IQGAP1: variants seen among roughly 807,000 people sequenced by gnomAD.
IQGAP1 encodes IQ motif containing GTPase activating protein 1.
IQGAP1 carries 66 observed loss-of-function variants against 215.6 expected under a neutral mutation model. The ratio of observed to expected loss-of-function variants is 0.31; its 90% CI spans 0.25 to 0.38. The LOEUF (loss-of-function observed/expected upper bound fraction) is 0.38, where lower values mean the gene tolerates loss of function less well. Ranked by LOEUF, IQGAP1 falls within the 10% of genes least tolerant of loss-of-function variation. IQGAP1 has a pLI of 1.00. For missense variants in IQGAP1, 1,712 were observed against 1,997.1 expected, an observed-to-expected ratio of 0.86 and a Z score of 2.72; for synonymous variants, 772 against 728.7, an observed-to-expected ratio of 1.06 and a Z score of -0.96.
At chr15:90,492,765 G>A in intron 35 of IQGAP1, 54 bp downstream of exon 35, 3 of 1,467,432 alleles carry the variant, frequency 2.0e-6, no homozygotes, top group South Asian at 2.5e-5. Context: ...TGAGGAAAAA[G>A]CAGAGGCAAC....
chr15:90,436,105 C>G (rs1220621969), intron 5 of IQGAP1, among the ~76,000 whole-genome samples: 1 of 146,772 alleles, frequency 6.8e-6, no homozygotes, highest in East Asian at 2.0e-4. Context: ...TGGCATTATT[C>G]CAGAGATAGT....
In IQGAP1 at chr15:90,390,247, A is replaced by C. The variant is rs530787334; in HGVS notation, c.56-527A>C. 5.3e-5 allele frequency among the ~76,000 whole-genome samples: 8 copies of C among 152,360 alleles called. No homozygotes were observed. The South Asian group carries it at 1.4e-3, about 28-fold the overall frequency. ...CTCAGGCTTTGGAGACAGACTCTCCAGGTTTGGATTCAGGCCCTGTCACTT... is the reference window on the plus strand; with the variant it reads ...CTCAGGCTTTGGAGACAGACTCTCCCGGTTTGGATTCAGGCCCTGTCACTT... On this transcript the variant is annotated intron_variant, in intron 1 of 37. Coordinates refer to ENST00000268182, the MANE Select transcript of IQGAP1 (RefSeq NM_003870.4).
At chr15:90,431,804 A>G (rs1350374873) in intron 4 of IQGAP1, among the ~76,000 whole-genome samples, 10 of 152,170 alleles carry the variant, frequency 6.6e-5, no homozygotes, top group Non-Finnish European at 1.5e-4. Context: ...GTTTATTGGG[A>G]TGTCTTTTCT....
chr15:90,388,472 C>G, intron 1 of IQGAP1, 76 bp downstream of exon 1: 87 of 388,158 alleles, frequency 2.2e-4, no homozygotes, highest in Middle Eastern at 9.3e-4. Context: ...CCTGGGGGCT[C>G]GGCCGGGCGG....
chr15:90,449,717 G>C, intron 11 of IQGAP1, 74 bp downstream of exon 11: 1 of 1,217,232 alleles, frequency 8.2e-7, no homozygotes, highest in Non-Finnish European at 1.2e-6. Flanking sequence ...GTTAGCTTCT[G>C]TCATCGTCAT....
intron 17 of IQGAP1, among the ~76,000 whole-genome samples, chr15:90,467,116 T>G (rs1339832460): frequency 6.6e-6 from 1 of 151,932 alleles, no homozygotes; most frequent in Admixed American, 6.6e-5. Flanking sequence ...AATAATAAAT[T>G]GAAAAACTGG....
chr15:90,392,917 G>C (rs1361253324), intron 2 of IQGAP1, among the ~76,000 whole-genome samples: 2 of 151,858 alleles, frequency 1.3e-5, no homozygotes, highest in East Asian at 3.9e-4. Context: ...GCTAATTTTT[G>C]TATCTTTAGT....
intron 4 of IQGAP1, among the ~76,000 whole-genome samples, chr15:90,432,449 G>T (rs1469651854): frequency 1.3e-5 from 2 of 151,994 alleles, no homozygotes; most frequent in East Asian, 3.8e-4. Context: ...TCTCCCCAGG[G>T]CTCTATTTTT....
At chr15:90,388,565 G>C (rs971256210) in intron 1 of IQGAP1, among the ~76,000 whole-genome samples, 169 bp downstream of exon 1, 3 of 152,050 alleles carry the variant, frequency 2.0e-5, no homozygotes, top group African/African-American at 4.8e-5. Flanking sequence ...GAGGCCCCTG[G>C]TTCGCGCCCC....
chr15:90,446,282 G>A (rs1046780077), intron 9 of IQGAP1, among the ~76,000 whole-genome samples: 14 of 152,054 alleles, frequency 9.2e-5, no homozygotes, highest in Non-Finnish European at 2.1e-4. Context: ...CACATGTAAG[G>A]AAATAATAAT....
intron 2 of IQGAP1, among the ~76,000 whole-genome samples, chr15:90,414,455 C>G (rs749241071): frequency 2.0e-5 from 3 of 152,138 alleles, no homozygotes; most frequent in Non-Finnish European, 4.4e-5. Flanking sequence ...TAAGACTCCC[C>G]TTACAGGAGC....
intron 2 of IQGAP1, among the ~76,000 whole-genome samples, chr15:90,407,019 G>T (rs1027423950): frequency 3.3e-5 from 5 of 152,178 alleles, no homozygotes; most frequent in Admixed American, 6.6e-5. Context: ...AGTTCTGGAG[G>T]CCATACTTTA....
chr15:90,475,196 G>T (rs553597115), intron 23 of IQGAP1, among the ~76,000 whole-genome samples: 1 of 151,924 alleles, frequency 6.6e-6, no homozygotes, highest in Non-Finnish European at 1.5e-5. Flanking sequence ...ATGGCGTTTC[G>T]CCATGTTGAC....
At chr15:90,442,916 G>A (rs1403435371) in intron 8 of IQGAP1, among the ~76,000 whole-genome samples, 1 of 150,372 alleles carries the variant, frequency 6.7e-6, no homozygotes, top group Non-Finnish European at 1.5e-5. Flanking sequence ...AGTTTTTAAT[G>A]AGCCAAGATG....
At chr15:90,460,335 A>G (rs897691457) in intron 15 of IQGAP1, among the ~76,000 whole-genome samples, 2 of 152,054 alleles carry the variant, frequency 1.3e-5, no homozygotes, top group African/African-American at 4.8e-5. Context: ...CCATCCAGGA[A>G]TATGTCAAGT....
At chr15:90,479,844 T>A (rs975456474) in intron 26 of IQGAP1, among the ~76,000 whole-genome samples, 2 of 152,120 alleles carry the variant, frequency 1.3e-5, no homozygotes, top group Non-Finnish European at 2.9e-5. Flanking sequence ...TTTTAATTTT[T>A]TTGCCTGCAT....
intron 2 of IQGAP1, chr15:90,391,088 AT>A (rs1964629333): frequency 4.6e-6 from 2 of 431,816 alleles, no homozygotes; most frequent in Non-Finnish European, 8.6e-6. Context: ...AATTTTAAAA[AT>A]TAGCCAGGCA....
intron 2 of IQGAP1, among the ~76,000 whole-genome samples, chr15:90,413,846 C>T (rs1348422654): frequency 6.6e-6 from 1 of 152,110 alleles, no homozygotes; most frequent in Admixed American, 6.6e-5. Context: ...AATGGAAGCT[C>T]AGAGAAGTTA....
chr15:90,448,884 A>G (rs1965561758), intron 10 of IQGAP1, 148 bp downstream of exon 10: 2 of 696,258 alleles, frequency 2.9e-6, no homozygotes, highest in Non-Finnish European at 4.2e-6. Context: ...AAAAATCCTC[A>G]GGTAAAATAC....
Sources: allele counts gnomAD v4.1 joint callset (sites outside exome capture counted in the v4.1 genomes callset), GRCh38; gene constraint gnomAD v4.1.1; transcripts MANE v1.5; gene names NCBI Gene and HGNC (gene_info 2026-07-23, HGNC 2026-07-21).